The following ROBO2 variants were observed in gnomAD, a reference collection of about 807,000 sequenced individuals.
ROBO2 encodes the protein roundabout guidance receptor 2, also known as roundabout homolog 2.
A neutral mutation model predicts 160.8 loss-of-function variants in ROBO2; 53 were observed. The observed-to-expected ratio is 0.33, with a 90% CI of 0.26 to 0.41. ROBO2 has a LOEUF of 0.41. Ranked by LOEUF, ROBO2 falls within the 10% of genes least tolerant of loss-of-function variation. ROBO2 has a pLI of 1.00. For synonymous variants in ROBO2, 664 were observed against 611.7 expected (o/e 1.09, Z -1.26); for missense variants, 1,577 against 1,722.4 (o/e 0.92, Z 1.49).
chr3:77,592,964 TTTGTACCTCTGTGTCTG>T (rs1321635684), intron 17 of ROBO2, among the ~76,000 whole-genome samples: 2 of 152,334 alleles, frequency 1.3e-5, no homozygotes, highest in East Asian at 3.9e-4. Flanking sequence ...CCACTCAATG[TTTGTACCTCTGTGTCTG>T]TTGTCCTCCT....
chr3:76,048,883 G>A (rs2067546853), intron 2 of ROBO2, among the ~76,000 whole-genome samples: 1 of 152,160 alleles, frequency 6.6e-6, no homozygotes, highest in Non-Finnish European at 1.5e-5. Context: ...ATGTTAACAA[G>A]ATTAATCTCA....
At chr3:77,525,187 G>A (rs2091012478) in intron 6 of ROBO2, among the ~76,000 whole-genome samples, 1 of 149,184 alleles carries the variant, frequency 6.7e-6, no homozygotes, top group South Asian at 2.1e-4. Flanking sequence ...TCCATTTAAT[G>A]CAGAGACACA....
intron 2 of ROBO2, among the ~76,000 whole-genome samples, chr3:76,234,183 G>A (rs757547914): frequency 2.6e-5 from 4 of 152,116 alleles, no homozygotes; most frequent in South Asian, 2.1e-4. Context: ...AGTATTCCAC[G>A]TGTATATGTA....
intron 5 of ROBO2, 129 bp from the exon 6 acceptor site, chr3:77,522,646 C>A: frequency 3.4e-6 from 3 of 891,780 alleles, no homozygotes; most frequent in Non-Finnish European, 5.2e-6. Flanking sequence ...CACTTTGTGG[C>A]TGATTTGTGT....
intron 2 of ROBO2, among the ~76,000 whole-genome samples, chr3:77,275,230 CA>C (rs2059753059): frequency 6.6e-6 from 1 of 152,064 alleles, no homozygotes; most frequent in Non-Finnish European, 1.5e-5. Flanking sequence ...GTCCTGAAGA[CA>C]AAACTTTTAG....
rs1193339971 is a variant in ROBO2, at chr3:75,968,380, G to A, written c.109+30778G>A. ...TCATTGCTGCTCTGATAGTATTGAA[G>A]TAATTGTAAATCTCTCCCATTGGAT... On this transcript the variant is annotated intron_variant, in intron 2 of 26. Coordinates refer to the ROBO2 transcript ENST00000487694. Among the ~76,000 whole-genome samples, 7 of 151,390 alleles carry A rather than the reference G, an allele frequency of 4.6e-5. No homozygotes were observed. In the East Asian group the frequency reaches 1.4e-3, roughly 30 times the overall value.
intron 2 of ROBO2, among the ~76,000 whole-genome samples, chr3:76,898,215 T>A (rs1407107536): frequency 6.6e-6 from 1 of 152,118 alleles, no homozygotes; most frequent in Non-Finnish European, 1.5e-5. Context: ...AAAGTTTATT[T>A]TATTTATTAA....
chr3:77,467,169 A>C (rs1204175776), intron 2 of ROBO2, among the ~76,000 whole-genome samples: 1 of 152,244 alleles, frequency 6.6e-6, no homozygotes, highest in Non-Finnish European at 1.5e-5. Flanking sequence ...AACTATAGCT[A>C]TAAGTCAGTA....
chr3:77,584,892 ATGTGTG>A (rs71104693), intron 16 of ROBO2, among the ~76,000 whole-genome samples: 1 of 147,316 alleles, frequency 6.8e-6, no homozygotes, highest in Admixed American at 6.8e-5. Context: ...ATATATATGT[ATGTGTG>A]TGTGTGTGTG....
At chr3:77,305,065 G>A (rs1293646792) in intron 2 of ROBO2, among the ~76,000 whole-genome samples, 1 of 152,148 alleles carries the variant, frequency 6.6e-6, no homozygotes, top group Non-Finnish European at 1.5e-5. Context: ...GCTCAATAAG[G>A]ACTCTATTTG....
At chr3:77,382,351 T>C (rs1361386099) in intron 2 of ROBO2, among the ~76,000 whole-genome samples, 3 of 76,818 alleles carry the variant, frequency 3.9e-5, no homozygotes, top group African/African-American at 9.2e-5. Context: ...ATGTCCTTTT[T>C]TTTTTTTTTT....
chr3:77,180,286 G>T (rs1398221899), intron 2 of ROBO2, among the ~76,000 whole-genome samples: 2 of 151,336 alleles, frequency 1.3e-5, no homozygotes. Flanking sequence ...AAGTGTGGAA[G>T]GAAAAGTTTA....
At chr3:76,789,346 T>C (rs910963448) in intron 2 of ROBO2, among the ~76,000 whole-genome samples, 3 of 151,466 alleles carry the variant, frequency 2.0e-5, no homozygotes, top group African/African-American at 7.3e-5. Flanking sequence ...TAGGATGCCA[T>C]TATACGAAGG....
intron 2 of ROBO2, among the ~76,000 whole-genome samples, chr3:77,428,321 C>A (rs1312848504): frequency 6.8e-6 from 1 of 146,192 alleles, no homozygotes; most frequent in Non-Finnish European, 1.5e-5. Context: ...GAGGCATTCA[C>A]AGCAAAACTT....
chr3:76,578,345 C>T (rs1277838514), intron 2 of ROBO2, among the ~76,000 whole-genome samples: 1 of 152,136 alleles, frequency 6.6e-6, no homozygotes, highest in Non-Finnish European at 1.5e-5. Flanking sequence ...ACTCTCCTGT[C>T]TTGGGTCTCT....
intron 8 of ROBO2, among the ~76,000 whole-genome samples, chr3:77,554,539 G>A (rs2093039134): frequency 6.6e-6 from 1 of 151,992 alleles, no homozygotes; most frequent in Non-Finnish European, 1.5e-5. Flanking sequence ...ATGCCATTAA[G>A]AACATTTATG....
At chr3:77,151,879 T>C (rs2077573383) in intron 2 of ROBO2, among the ~76,000 whole-genome samples, 1 of 152,204 alleles carries the variant, frequency 6.6e-6, no homozygotes, top group Admixed American at 6.5e-5. Context: ...AGGAAAATAC[T>C]ATTGGTTTTC....
intron 2 of ROBO2, among the ~76,000 whole-genome samples, chr3:76,361,631 ACT>A (rs1347987747): frequency 6.6e-6 from 1 of 152,110 alleles, no homozygotes; most frequent in Non-Finnish European, 1.5e-5. Flanking sequence ...TGTAGTTCAA[ACT>A]CTGATTTTAC....
At chr3:75,964,526 A>G (rs996811750) in intron 2 of ROBO2, among the ~76,000 whole-genome samples, 9 of 151,588 alleles carry the variant, frequency 5.9e-5, no homozygotes, top group African/African-American at 1.9e-4. Flanking sequence ...CTGCTAAATT[A>G]ATATTTTGTA....
Sources: gnomAD v4.1 joint callset for allele counts (sites outside exome capture counted in the v4.1 genomes callset) on GRCh38, gnomAD v4.1.1 for gene constraint, MANE v1.5 for transcripts, NCBI Gene and HGNC (gene_info 2026-07-23, HGNC 2026-07-21) for gene names.